IARS2: variants seen among roughly 807,000 people sequenced by gnomAD.
IARS2 encodes isoleucine--tRNA ligase, mitochondrial.
Under a neutral mutation model 126.3 loss-of-function variants are expected in IARS2, and 56 were observed. The observed-to-expected ratio is 0.44, with a 90% CI of 0.36 to 0.55. The LOEUF (loss-of-function observed/expected upper bound fraction) is 0.55, where lower values mean the gene tolerates loss of function less well. Ranked by LOEUF, IARS2 falls within the 20% of genes least tolerant of loss-of-function variation. The pLI is 0.00. For synonymous variants in IARS2, 407 were observed against 441.1 expected (o/e 0.92, Z 0.97); for missense variants, 1,127 against 1,245.9 (o/e 0.90, Z 1.44).
At chr1:220,120,982 T>C in intron 12 of IARS2, among the ~76,000 whole-genome samples, 1 of 152,186 alleles carries the variant, frequency 6.6e-6, no homozygotes, top group East Asian at 1.9e-4. Flanking sequence ...CTCTAAATAT[T>C]AGTGAGACTT....
intron 22 of IARS2, among the ~76,000 whole-genome samples, chr1:220,146,588 A>T (rs925393028): frequency 5.3e-5 from 8 of 149,796 alleles, no homozygotes; most frequent in African/African-American, 2.0e-4. Flanking sequence ...GGGTACCAGG[A>T]GATGGGAAGC....
At chr1:220,145,227 G>T (rs1426764191) in intron 21 of IARS2, among the ~76,000 whole-genome samples, 1 of 151,840 alleles carries the variant, frequency 6.6e-6, no homozygotes, top group Non-Finnish European at 1.5e-5. Flanking sequence ...CACCATATAG[G>T]TTTTTTTTGT....
At chr1:220,112,322 G>A (rs1379568108) in intron 11 of IARS2, among the ~76,000 whole-genome samples, 1 of 94,732 alleles carries the variant, frequency 1.1e-5, no homozygotes, top group East Asian at 3.0e-4. Context: ...TTTTAGTAGA[G>A]ACGGGGTTTC....
In IARS2 at chr1:220,111,598, A is replaced by ATATG. The variant is rs374024744; in HGVS notation, c.1479+662_1479+663insATGT. On this transcript the variant is annotated intron_variant, in intron 11 of 22. Coordinates refer to ENST00000366922, the MANE Select transcript of IARS2 (RefSeq NM_018060.4). ...TGGGTATATATATATATATATATAT[A>ATATG]TGTGTGTGTGTGTGTGTGTGTGTGT... 7.7e-3 allele frequency among the ~76,000 whole-genome samples: 1,041 copies of ATATG among 134,792 alleles called. 8 individuals carry two copies. The highest frequency in any genetic ancestry group is 0.053 in the East Asian group (241 of 4,558). 88.4% of individuals were successfully genotyped at this position (134,792 alleles called of 152,430 possible). A position where few individuals can be genotyped will look rare whatever the true frequency, so the allele number is the denominator to read the frequency against.
chr1:220,117,746 G>T (rs368889966), intron 12 of IARS2: 1 of 424,946 alleles, frequency 2.4e-6, no homozygotes, highest in African/African-American at 2.1e-5. Flanking sequence ...TTTTCATTAG[G>T]TATATTTATG....
At chr1:220,136,713 G>C in intron 15 of IARS2, 96 bp from the exon 16 acceptor site, 1 of 453,154 alleles carries the variant, frequency 2.2e-6, no homozygotes, top group Non-Finnish European at 3.9e-6. Context: ...TCATATTTTT[G>C]TGTCAAACTT....
intron 14 of IARS2, among the ~76,000 whole-genome samples, chr1:220,129,032 G>C (rs1460623951): frequency 6.6e-6 from 1 of 151,810 alleles, no homozygotes; most frequent in Non-Finnish European, 1.5e-5. Flanking sequence ...ACAGGCATGT[G>C]CCACCATGCC....
Position 220,112,124 on chromosome 1 carries a change from C to CTTTTTTTT in IARS2, c.1479+1201_1479+1208dup. On this transcript the variant is annotated intron_variant, in intron 11 of 22. Transcript: ENST00000366922. ...TTATCTACACCCCTCCGACCACCTA[C>CTTTTTTTT]TTTTTTTTTTTTTTTTTTTTTGAGA... Among the ~76,000 whole-genome samples, 21 of 114,756 alleles carry CTTTTTTTT rather than the reference C, an allele frequency of 1.8e-4. 1 individual carries two copies. Among genetic ancestry groups the CTTTTTTTT allele is most frequent in the Non-Finnish European group, 3.1e-4 (17 of 54,392 alleles). The allele number at this position is 114,756 out of a possible 152,430, so 75.3% of individuals were successfully genotyped here.
At position 220,145,589 on chromosome 1, in the gene IARS2, G is replaced by C. The variant is rs1295947451; in HGVS notation, c.2832G>C (p.Gln944His). The stretch of plus-strand genomic sequence containing the variant: ...CTTCTGAGTCAACTTTACTGGCTCA[G>C]GAACCACGAGAGATGACTGCAGATG... ...MMASESTLLA[Q>H]EPREMTADVI... Residue 944 changes from glutamine to histidine, a missense_variant, in exon 22 of 23, where the codon CAG (glutamine) becomes CAC (histidine). Physicochemically the swap from Gln to His is conservative, Grantham distance 24. Transcript: ENST00000366922. The C allele has an allele frequency of 4.3e-6, 7 of 1,613,720 alleles. No individual in the cohort carries two copies. Among genetic ancestry groups the C allele is most frequent in the Middle Eastern group, 3.3e-4 (2 of 6,080 alleles).
chr1:220,113,187 C>T (rs1057066037), intron 11 of IARS2, among the ~76,000 whole-genome samples: 7 of 152,108 alleles, frequency 4.6e-5, no homozygotes, highest in African/African-American at 1.7e-4. Context: ...GCATAATTCC[C>T]ATGCCATTAT....
intron 12 of IARS2, among the ~76,000 whole-genome samples, chr1:220,123,482 TA>T (rs1362554644): frequency 6.6e-5 from 10 of 152,302 alleles, no homozygotes; most frequent in African/African-American, 2.2e-4. Context: ...ATTTATTTAT[TA>T]TTTTTTTTGA....
intron 14 of IARS2, among the ~76,000 whole-genome samples, chr1:220,130,107 T>A (rs1657229297): frequency 1.3e-5 from 2 of 152,348 alleles, no homozygotes; most frequent in South Asian, 4.1e-4. Flanking sequence ...TCCCTGATGA[T>A]TAGTGATGTT....
chr1:220,139,174 A>C (rs1048608974), intron 18 of IARS2, 35 bp downstream of exon 18: 1 of 1,572,654 alleles, frequency 6.4e-7, no homozygotes, highest in Non-Finnish European at 8.7e-7. Flanking sequence ...GGAAACTAGA[A>C]ATATCAGCAC....
At chr1:220,142,171 C>T (rs1320790707) in intron 20 of IARS2, among the ~76,000 whole-genome samples, 1 of 152,084 alleles carries the variant, frequency 6.6e-6, no homozygotes, top group Non-Finnish European at 1.5e-5. Flanking sequence ...TTGACAGTGT[C>T]GAGAAATCAC....
chr1:220,125,647 A>T (rs1044203760), intron 13 of IARS2, among the ~76,000 whole-genome samples: 5 of 152,122 alleles, frequency 3.3e-5, no homozygotes, highest in South Asian at 4.1e-4. Context: ...CTACAAAAAA[A>T]TATAAAAATT....
At chr1:220,103,849 C>G (rs1462177145) in intron 8 of IARS2, among the ~76,000 whole-genome samples, 1 of 152,146 alleles carries the variant, frequency 6.6e-6, no homozygotes, top group Non-Finnish European at 1.5e-5. Context: ...TTGTTTTTAT[C>G]TGTTTTAATA....
intron 12 of IARS2, among the ~76,000 whole-genome samples, chr1:220,119,067 A>G (rs920372846): frequency 6.6e-6 from 1 of 152,166 alleles, no homozygotes; most frequent in African/African-American, 2.4e-5. Context: ...AAAACACAGA[A>G]GACAGTGGGA....
intron 14 of IARS2, among the ~76,000 whole-genome samples, chr1:220,133,077 C>T (rs1477327511): frequency 6.6e-6 from 1 of 151,362 alleles, no homozygotes; most frequent in African/African-American, 2.4e-5. Flanking sequence ...GTGGCACAAT[C>T]TCTGCCCACT....
chr1:220,145,689 A>C (rs1558133397), intron 22 of IARS2, 36 bp downstream of exon 22: 2 of 1,565,670 alleles, frequency 1.3e-6, no homozygotes, highest in Non-Finnish European at 1.7e-6. Context: ...TAACATCTGG[A>C]GAATTGAATA....
Sources: gnomAD v4.1 joint callset for allele counts (sites outside exome capture counted in the v4.1 genomes callset) on GRCh38, gnomAD v4.1.1 for gene constraint, MANE v1.5 for transcripts, NCBI Gene and HGNC (gene_info 2026-07-23, HGNC 2026-07-21) for gene names.